Variants in MACF1 observed in about 807,000 individuals in gnomAD.
The protein encoded by MACF1 is microtubule-actin cross-linking factor 1.
In MACF1, 193 loss-of-function variants were observed where a neutral mutation model predicts 854.8. The ratio of observed to expected loss-of-function variants is 0.23; its 90% CI spans 0.20 to 0.25. MACF1 has a LOEUF of 0.25. Ranked by LOEUF, MACF1 falls within the 10% of genes least tolerant of loss-of-function variation. The pLI is 1.00. For missense variants in MACF1, 7,722 were observed against 8,929.1 expected, an observed-to-expected ratio of 0.86 and a Z score of 5.45; for synonymous variants, 3,185 against 3,226.7, an observed-to-expected ratio of 0.99 and a Z score of 0.44.
At chr1:39,483,217 A>G (rs934093379) in intron 99 of MACF1, among the ~76,000 whole-genome samples, 4 of 152,130 alleles carry the variant, frequency 2.6e-5, no homozygotes, top group Admixed American at 6.5e-5. Flanking sequence ...GGTAGCAGTG[A>G]TAATAATATG....
At position 39,353,447 on chromosome 1, in the gene MACF1, C is replaced by T. The variant is rs549031114; in HGVS notation, c.11424+216C>T. On this transcript the variant is annotated intron_variant, in intron 44 of 100. Coordinates refer to ENST00000564288, the MANE Select transcript of MACF1 (RefSeq NM_001394062.1). ...TGCCCTGACCATCTTTCTTACTTTC[C>T]TCTGGCCAGGTTTTCAAATACTGAT... Among the ~76,000 whole-genome samples the T allele has an allele frequency of 5.9e-5, 9 of 152,282 alleles. No homozygotes were observed. In the South Asian group the frequency reaches 1.5e-3, roughly 25 times the overall value.
At chr1:39,219,206 A>G (rs1644618358) in intron 1 of MACF1, among the ~76,000 whole-genome samples, 1 of 152,260 alleles carries the variant, frequency 6.6e-6, no homozygotes, top group Admixed American at 6.5e-5. Context: ...AATGCCTTTC[A>G]TGAATCCCTA....
At chr1:39,454,499 C>T (rs578183864) in intron 88 of MACF1, among the ~76,000 whole-genome samples, 6 of 152,238 alleles carry the variant, frequency 3.9e-5, no homozygotes, top group Non-Finnish European at 7.4e-5. Flanking sequence ...GTGGTCTCTC[C>T]TCTAAAAAGT....
chr1:39,410,228 C>CT lies in MACF1; in HGVS notation c.15817-12142dup. The CT allele has an allele frequency of 2.0e-6, 3 of 1,475,066 alleles. No homozygotes were observed. In the East Asian group the frequency reaches 6.9e-5, roughly 34 times the overall value. 91.4% of individuals were successfully genotyped at this position (1,475,066 alleles called of 1,614,324 possible). ...ATTTGGGGGGAACCTGTGAAAAATA[C>CT]TTTTGAAAGATTGATGGTTCATCTT... On this transcript the variant is annotated intron_variant, in intron 58 of 100. Transcript: ENST00000564288.
At chr1:39,484,915 T>G (rs1276962315) in intron 100 of MACF1, 185 bp downstream of exon 100, 2 of 666,634 alleles carry the variant, frequency 3.0e-6, no homozygotes, top group African/African-American at 3.6e-5. Flanking sequence ...AGCTTTAAGC[T>G]TTCCTTCTGA....
At chr1:39,243,189 T>C (rs1644945082) in intron 2 of MACF1, among the ~76,000 whole-genome samples, 1 of 152,236 alleles carries the variant, frequency 6.6e-6, no homozygotes, top group African/African-American at 2.4e-5. Context: ...GCTAATGATG[T>C]TGAGCATCTT....
Position 39,285,684 on chromosome 1 carries a change from C to T in MACF1, c.1434C>T (p.Leu478=), listed in dbSNP as rs1304912740. The T allele has an allele frequency of 1.9e-6, 3 of 1,614,044 alleles. No individual in the cohort carries two copies. Among genetic ancestry groups the T allele is most frequent in the Non-Finnish European group, 2.5e-6 (3 of 1,179,988 alleles). The change falls in exon 14 of 101, where the codon CTC becomes CTT. Residue 478 remains leucine (L), a synonymous_variant. Coordinates refer to ENST00000564288, the MANE Select transcript of MACF1 (RefSeq NM_001394062.1). ...TGTACATTCAGGAGTGTGAAGGTCT[C>T]ATCAGGCAGCTGCAGGTGGATCTCC... ...VIMYIQECEG[L]IRQLQVDLQI...
At chr1:39,316,118 T>C (rs76355394) in intron 27 of MACF1, among the ~76,000 whole-genome samples, 97 of 152,374 alleles carry the variant, frequency 6.4e-4, no homozygotes, top group African/African-American at 2.2e-3. Flanking sequence ...CTCTTCATAG[T>C]GTAAAATGGG....
rs546817320 is a variant in MACF1 at position 39,154,261 on chromosome 1, G to A, written c.220+69823G>A. 8 of 152,274 alleles carry A rather than the reference G, an allele frequency of 5.3e-5. No homozygotes were observed. In the East Asian group the frequency reaches 1.4e-3, roughly 26 times the overall value. 9.4% of individuals were successfully genotyped at this position (152,274 alleles called of 1,614,324 possible). A position where few individuals can be genotyped will look rare whatever the true frequency, so the allele number is the denominator to read the frequency against. ...CCCTGCTCAGCTTCCAAAATCAGAC[G>A]AGATCAGGCGTGTTCAGGGTGGTAT... is the stretch of plus-strand genomic sequence containing the variant. On this transcript the variant is annotated intron_variant, in intron 2 of 93. Coordinates refer to the MACF1 transcript ENST00000361689.
At chr1:39,246,129 T>G (rs1644978814) in intron 2 of MACF1, among the ~76,000 whole-genome samples, 1 of 152,210 alleles carries the variant, frequency 6.6e-6, no homozygotes, top group Admixed American at 6.5e-5. Context: ...TTTTCTTCTG[T>G]CCTTTGTTGA....
At chr1:39,318,701 G>T in intron 30 of MACF1, 86 bp downstream of exon 30, 2 of 1,336,094 alleles carry the variant, frequency 1.5e-6, no homozygotes, top group South Asian at 3.2e-5. Flanking sequence ...GGCAATTAAA[G>T]CTTCCTCCAA....
chr1:39,178,292 T>G (rs1644059283), intron 2 of MACF1, among the ~76,000 whole-genome samples: 1 of 152,062 alleles, frequency 6.6e-6, no homozygotes, highest in Non-Finnish European at 1.5e-5. Context: ...CATTCGTTTA[T>G]GTACTGAACA....
chr1:39,228,116 G>A (rs1336331241), intron 1 of MACF1, among the ~76,000 whole-genome samples: 1 of 152,174 alleles, frequency 6.6e-6, no homozygotes. Context: ...TTTGAGAACA[G>A]CCTGGCCCAT....
intron 21 of MACF1, among the ~76,000 whole-genome samples, chr1:39,298,134 C>CA (rs58387428): frequency 0.087 from 12,606 of 144,414 alleles, 609 homozygotes; most frequent in East Asian, 0.14. Context: ...CTCTCTTATG[C>CA]AAAAAAAAAA....
chr1:39,159,855 A>G (rs1245805344), intron 2 of MACF1, among the ~76,000 whole-genome samples: 1 of 152,088 alleles, frequency 6.6e-6, no homozygotes, highest in African/African-American at 2.4e-5. Context: ...GAGGGAGGAA[A>G]GGAGTAAACT....
intron 6 of MACF1, chr1:39,268,535 A>C (rs1459119829): frequency 1.7e-6 from 2 of 1,158,670 alleles, no homozygotes; most frequent in African/African-American, 3.2e-5. Flanking sequence ...CGGCTGGAAG[A>C]GACAGAGAGA....
intron 97 of MACF1, among the ~76,000 whole-genome samples, chr1:39,477,107 A>G (rs1264353952): frequency 8.8e-6 from 1 of 113,920 alleles, no homozygotes; most frequent in Non-Finnish European, 1.7e-5. Context: ...ACACACATAT[A>G]TACACTTAGT....
chr1:39,119,265 C>T lies in MACF1; in HGVS notation c.220+34827C>T, dbSNP rs574381194. Among the ~76,000 whole-genome samples, 52 of 144,300 alleles carry T rather than the reference C, an allele frequency of 3.6e-4. 1 individual carries two copies. The highest frequency in any genetic ancestry group is 1.2e-3 in the African/African-American group (47 of 38,766). The allele number at this position is 144,300 out of a possible 152,430, so 94.7% of individuals were successfully genotyped here. A position where few individuals can be genotyped will look rare whatever the true frequency, so the allele number is the denominator to read the frequency against. On this transcript the variant is annotated intron_variant, in intron 2 of 93. Coordinates refer to the MACF1 transcript ENST00000361689. The stretch of plus-strand genomic sequence containing the variant: ...CCGGGAGGCGGAGGTTGCGGTGAGC[C>T]GAGATCGCACCATTGCACTCTAGCC...
chr1:39,208,887 T>G (rs1396407693), intron 1 of MACF1, among the ~76,000 whole-genome samples: 3 of 151,842 alleles, frequency 2.0e-5, no homozygotes, highest in Non-Finnish European at 4.4e-5. Flanking sequence ...CCTTCCAAAG[T>G]GCTGGGATTA....
Sources: allele counts gnomAD v4.1 joint callset (sites outside exome capture counted in the v4.1 genomes callset), GRCh38; gene constraint gnomAD v4.1.1; transcripts MANE v1.5; gene names NCBI Gene and HGNC (gene_info 2026-07-23, HGNC 2026-07-21).